The following CCDC32 variants were observed in gnomAD, a reference collection of about 807,000 sequenced individuals.
CCDC32 encodes coiled-coil domain containing 32.
In CCDC32, 9 loss-of-function variants were observed where a neutral mutation model predicts 20.1. The ratio of observed to expected loss-of-function variants is 0.45; its 90% CI spans 0.27 to 0.78. The LOEUF (loss-of-function observed/expected upper bound fraction) is 0.78, where lower values mean the gene tolerates loss of function less well. Ranked by LOEUF, CCDC32 falls within the 30% of genes least tolerant of loss-of-function variation. The pLI, the probability that CCDC32 is intolerant of heterozygous loss-of-function variation, is 0.16. For synonymous variants in CCDC32, 63 were observed against 79.0 expected, an observed-to-expected ratio of 0.80 and a Z score of 1.07; for missense variants, 204 against 215.5, an observed-to-expected ratio of 0.95 and a Z score of 0.33.
At chr15:40,522,243 C>G in the CCDC32 span, among the ~76,000 whole-genome samples, 1 of 152,118 alleles carries the variant, frequency 6.6e-6, no homozygotes, top group Non-Finnish European at 1.5e-5. Context: ...TGTCTTGACA[C>G]TCTTGTTGAA....
In CCDC32 at chr15:40,546,216, G is replaced by A. The variant is rs1889612334; in HGVS notation, c.402-6861C>T. 3.4e-5 allele frequency among the ~76,000 whole-genome samples: 5 copies of A among 148,066 alleles called. No individual in the cohort carries two copies. In the South Asian group the frequency reaches 1.1e-3, roughly 31 times the overall value. ...TCCTTTTTTTTTTTTTTCTGAGATA[G>A]GGTCTCACCCTGTCACCCAGGCTGG... is the stretch of plus-strand genomic sequence containing the variant. On this transcript the variant is annotated intron_variant, in intron 3 of 3. Coordinates refer to the CCDC32 transcript ENST00000558113.
chr15:40,562,416 T>G (rs2141658056), intron 2 of CCDC32, among the ~76,000 whole-genome samples: 1 of 151,852 alleles, frequency 6.6e-6, no homozygotes, highest in East Asian at 1.9e-4. Flanking sequence ...CCATCTCTAC[T>G]AAAAATACAA....
chr15:40,554,234 C>A, intron 3 of CCDC32, 107 bp from the exon 4 acceptor site: 1 of 1,442,786 alleles, frequency 6.9e-7, no homozygotes, highest in Non-Finnish European at 9.3e-7. Context: ...CCAGCAATTT[C>A]TTCCTACAAT....
At chr15:40,523,323 G>A in the CCDC32 span, among the ~76,000 whole-genome samples, 3 of 151,788 alleles carry the variant, frequency 2.0e-5, no homozygotes, top group African/African-American at 7.2e-5. Flanking sequence ...TGACCAACAT[G>A]GAGAAACCCC....
chr15:40,548,709 C>T (rs1889721551), downstream of CCDC32, among the ~76,000 whole-genome samples: 2 of 152,224 alleles, frequency 1.3e-5, no homozygotes, highest in East Asian at 1.9e-4. Context: ...TTCTTACATG[C>T]CGGCTCAGAA....
chr15:40,534,503 CCAT>C (rs1889024643), downstream of CCDC32: 1 of 161,070 alleles, frequency 6.2e-6, no homozygotes, highest in South Asian at 1.8e-4. Context: ...CCTTCTAAAA[CCAT>C]CAGATCTCGT....
chr15:40,556,219 A>G (rs1486718208), intron 3 of CCDC32, among the ~76,000 whole-genome samples: 1 of 152,216 alleles, frequency 6.6e-6, no homozygotes, highest in Non-Finnish European at 1.5e-5. Context: ...AACTACTTGC[A>G]GGTACTGTTC....
intron 3 of CCDC32, chr15:40,556,695 G>A (rs1813898): frequency 0.59 from 89,985 of 151,952 alleles, 26,821 homozygotes; most frequent in East Asian, 0.75. Flanking sequence ...AAAATTAGCC[G>A]GGTGTTGTGG....
rs950681164 is a variant in CCDC32, at chr15:40,553,600, A to T, written c.*371T>A. ...ATATGGCTCACTTAACTTACACATTACACATAAGAGGCCTCAGTTTCTCCA... is the reference window on the plus strand; with the variant it reads ...ATATGGCTCACTTAACTTACACATTTCACATAAGAGGCCTCAGTTTCTCCA... On this transcript the variant is annotated 3_prime_UTR_variant, in exon 4 of 4. Coordinates refer to ENST00000416810, the MANE Select transcript of CCDC32 (RefSeq NM_001080792.4). The T allele has an allele frequency of 2.0e-5, 20 of 1,020,678 alleles. No homozygotes were observed. Among genetic ancestry groups the T allele is most frequent in the Non-Finnish European group, 2.2e-5 (19 of 853,248 alleles). The allele number at this position is 1,020,678 out of a possible 1,614,324, so 63.2% of individuals were successfully genotyped here. A position where few individuals can be genotyped will look rare whatever the true frequency, so the allele number is the denominator to read the frequency against.
chr15:40,548,350 T>C (rs1889707112), downstream of CCDC32, among the ~76,000 whole-genome samples: 2 of 152,188 alleles, frequency 1.3e-5, no homozygotes, highest in Admixed American at 6.5e-5. Context: ...CTCCCTACTG[T>C]AGCCAGCATA....
At chr15:40,557,902 T>C (rs1402484104) in intron 2 of CCDC32, 1 of 151,894 alleles carries the variant, frequency 6.6e-6, no homozygotes, top group Non-Finnish European at 1.5e-5. Context: ...AAGAGACCTT[T>C]AAAATCTCTA....
At chr15:40,564,726 G>C in intron 1 of CCDC32, 1 of 1,614,094 alleles carries the variant, frequency 6.2e-7, no homozygotes, top group Middle Eastern at 1.6e-4. Flanking sequence ...CCCCCAACCC[G>C]AATTCGTCTA....
chr15:40,540,563 T>A (rs1387792922), intron 3 of CCDC32, among the ~76,000 whole-genome samples: 1 of 151,988 alleles, frequency 6.6e-6, no homozygotes, highest in Non-Finnish European at 1.5e-5. Context: ...GAAACAGGGT[T>A]TCACCATGCT....
At position 40,553,914 on chromosome 15, in the gene CCDC32, GT is replaced by G; in HGVS notation, c.*56del. ...CGAGACAGCTGCTCGGCGTGTGTGT[GT>G]GTGTGTGTGTGTGTGTGTGTGTGTG... On this transcript the variant is annotated 3_prime_UTR_variant, in exon 4 of 4. Coordinates refer to ENST00000416810, the MANE Select transcript of CCDC32 (RefSeq NM_001080792.4). 9.9e-6 allele frequency: 1 copy of G among 101,022 alleles called. No homozygotes were observed. Among genetic ancestry groups the G allele is most frequent in the Non-Finnish European group, 1.3e-5 (1 of 77,470 alleles). 6.3% of individuals were successfully genotyped at this position (101,022 alleles called of 1,614,324 possible). A position where few individuals can be genotyped will look rare whatever the true frequency, so the allele number is the denominator to read the frequency against.
At chr15:40,564,771 A>G (rs750984153) in intron 1 of CCDC32, 5 of 1,614,164 alleles carry the variant, frequency 3.1e-6, no homozygotes, top group Middle Eastern at 1.6e-4. Context: ...CTCACACCAG[A>G]GCCCCGCATG....
chr15:40,545,392 T>C (rs1401524235), intron 3 of CCDC32, among the ~76,000 whole-genome samples: 3 of 152,176 alleles, frequency 2.0e-5, no homozygotes, highest in East Asian at 1.9e-4. Context: ...TTTCTACTTA[T>C]CTGCTAAAGA....
intron 2 of CCDC32, among the ~76,000 whole-genome samples, chr15:40,560,304 G>A (rs183522388): frequency 1.2e-4 from 18 of 152,256 alleles, no homozygotes; most frequent in Admixed American, 2.0e-4. Flanking sequence ...CACCGTGCCC[G>A]GCCTAGGCAA....
chr15:40,551,837 A>AAAAAG (rs1889885969), downstream of CCDC32, among the ~76,000 whole-genome samples: 21 of 147,910 alleles, frequency 1.4e-4, no homozygotes, highest in South Asian at 4.3e-4. Context: ...AAAAAAAAAA[A>AAAAAG]GGTTAACCAT....
rs1304883856 is a variant in CCDC32 at position 40,553,831 on chromosome 15, C to T, written c.*140G>A. 3 of 1,397,086 alleles carry T rather than the reference C, an allele frequency of 2.1e-6. No homozygotes were observed. The highest frequency in any genetic ancestry group is 2.8e-6 in the Non-Finnish European group (3 of 1,074,752). The allele number at this position is 1,397,086 out of a possible 1,614,324, so 86.5% of individuals were successfully genotyped here. ...TGTGGAGTGGAAATTTGGGTTTTTT[C>T]CTTCAGTGGATTTCTCCCTGCTGCT... On this transcript the variant is annotated 3_prime_UTR_variant, in exon 4 of 4. Coordinates refer to ENST00000416810, the MANE Select transcript of CCDC32 (RefSeq NM_001080792.4).
Sources: allele counts gnomAD v4.1 joint callset (sites outside exome capture counted in the v4.1 genomes callset), GRCh38; gene constraint gnomAD v4.1.1; transcripts MANE v1.5; gene names NCBI Gene and HGNC (gene_info 2026-07-23, HGNC 2026-07-21).